DDX6: variants seen among roughly 807,000 people sequenced by gnomAD.
DDX6 encodes probable ATP-dependent RNA helicase DDX6.
In DDX6, 7 loss-of-function variants were observed where a neutral mutation model predicts 60.6. The observed-to-expected ratio is 0.12, with a 90% CI of 0.07 to 0.22. DDX6 has a LOEUF of 0.22. Ranked by LOEUF, DDX6 falls within the 10% of genes least tolerant of loss-of-function variation. The probability of loss-of-function intolerance (pLI) is 1.00; values close to 1 mark genes in which losing one functional copy is unlikely to be tolerated. For synonymous variants in DDX6, 207 were observed against 201.0 expected, an observed-to-expected ratio of 1.03 and a Z score of -0.25; for missense variants, 270 against 589.9, an observed-to-expected ratio of 0.46 and a Z score of 5.62.
At chr11:118,767,102 G>A (rs1283563836) in intron 5 of DDX6, among the ~76,000 whole-genome samples, 1 of 151,990 alleles carries the variant, frequency 6.6e-6, no homozygotes, top group East Asian at 1.9e-4. Context: ...AGCGAGGCTG[G>A]TCTTGAACTC....
intron 12 of DDX6, 125 bp from the exon 13 acceptor site, chr11:118,755,012 A>G: frequency 1.1e-6 from 1 of 872,170 alleles, no homozygotes; most frequent in Non-Finnish European, 1.7e-6. Context: ...CTTAGTATGC[A>G]AAACAACTTC....
intron 4 of DDX6, among the ~76,000 whole-genome samples, chr11:118,769,041 C>T (rs1861449041): frequency 7.0e-6 from 1 of 142,364 alleles, no homozygotes; most frequent in Non-Finnish European, 1.5e-5. Context: ...TCTGTAATCC[C>T]ACCATTATGG....
intron 1 of DDX6, among the ~76,000 whole-genome samples, chr11:118,790,635 G>C (rs1862240703): frequency 6.6e-6 from 1 of 151,942 alleles, no homozygotes; most frequent in South Asian, 2.1e-4. Flanking sequence ...CTTCGATAAA[G>C]CTACTCCGAG....
chr11:118,759,808 G>A, intron 8 of DDX6, 114 bp downstream of exon 8: 2 of 1,199,848 alleles, frequency 1.7e-6, no homozygotes, highest in Non-Finnish European at 2.2e-6. Context: ...AAGAGCCAAA[G>A]GCTTGAAATA....
chr11:118,762,608 G>C (rs1271080476), intron 7 of DDX6, among the ~76,000 whole-genome samples: 1 of 152,100 alleles, frequency 6.6e-6, no homozygotes, highest in Non-Finnish European at 1.5e-5. Flanking sequence ...AGCATCATGG[G>C]AGTATCATAT....
chr11:118,768,213 T>TTGAA lies in DDX6; in HGVS notation c.499+9_499+10insTTCA, dbSNP rs1861420089. ...TTTTTAGTTTAAAAACAAACTTTTA[T>TTGAA]TCAACTAACCTTGTATATTGTCCTT... On this transcript the variant is annotated intron_variant, in intron 5 of 13. Transcript: ENST00000534980. The TTGAA allele has an allele frequency of 1.2e-6, 2 of 1,609,916 alleles. No individual in the cohort carries two copies. The highest frequency in any genetic ancestry group is 2.7e-5 in the African/African-American group (2 of 74,846).
chr11:118,763,851 AAAAAG>A (rs1436077051), intron 6 of DDX6, among the ~76,000 whole-genome samples: 51 of 146,534 alleles, frequency 3.5e-4, no homozygotes, highest in Non-Finnish European at 4.8e-4. Flanking sequence ...AAAAAAAAAA[AAAAAG>A]AAAGAAAGAG....
At chr11:118,761,215 AT>A (rs1164274942) in intron 7 of DDX6, among the ~76,000 whole-genome samples, 2 of 152,250 alleles carry the variant, frequency 1.3e-5, no homozygotes, top group African/African-American at 4.8e-5. Flanking sequence ...CTGTGTGGGA[AT>A]GTTACAGAAC....
At position 118,757,305 on chromosome 11, in the gene DDX6, T is replaced by A; in HGVS notation, c.994-18A>T. 7.3e-7 allele frequency: 1 copy of A among 1,373,766 alleles called. No individual in the cohort carries two copies. Among genetic ancestry groups the A allele is most frequent in the South Asian group, 1.5e-5 (1 of 66,352 alleles). 85.1% of individuals were successfully genotyped at this position (1,373,766 alleles called of 1,614,324 possible). ...ATCTGAAGCTGAGCACAGAAAAAAATAAGTATGAGAAAAATAAAAAAAACC... is the reference window on the plus strand; with the variant it reads ...ATCTGAAGCTGAGCACAGAAAAAAAAAAGTATGAGAAAAATAAAAAAAACC... On this transcript the variant is annotated intron_variant, in intron 9 of 13. Coordinates refer to ENST00000534980, the MANE Select transcript of DDX6 (RefSeq NM_004397.6).
Sources: allele counts gnomAD v4.1 joint callset (sites outside exome capture counted in the v4.1 genomes callset), GRCh38; gene constraint gnomAD v4.1.1; transcripts MANE v1.5; gene names NCBI Gene and HGNC (gene_info 2026-07-23, HGNC 2026-07-21).